UNC13C: variants seen among roughly 807,000 people sequenced by gnomAD.
UNC13C encodes the protein unc-13 homolog C, also known as protein unc-13 homolog C.
Under a neutral mutation model 245.4 loss-of-function variants are expected in UNC13C, and 174 were observed. The ratio of observed to expected loss-of-function variants is 0.71; its 90% CI spans 0.63 to 0.80. The LOEUF (loss-of-function observed/expected upper bound fraction) is 0.80, where lower values mean the gene tolerates loss of function less well. Among genes scored for constraint, UNC13C ranks in the 30% least tolerant of loss-of-function variants. The pLI is 0.00. For missense variants in UNC13C, 2,829 were observed against 2,602.9 expected (o/e 1.09, Z -1.89); for synonymous variants, 992 against 895.1 (o/e 1.11, Z -1.93).
intron 2 of UNC13C, among the ~76,000 whole-genome samples, chr15:54,071,520 A>C (rs12443138): frequency 0.5 from 75,257 of 151,946 alleles, 20,436 homozygotes; most frequent in Non-Finnish European, 0.61. Context: ...ATACACAAAA[A>C]AATGAGACTC....
intron 19 of UNC13C, among the ~76,000 whole-genome samples, chr15:54,462,874 G>T (rs552604112): frequency 2.5e-4 from 38 of 152,258 alleles, no homozygotes; most frequent in African/African-American, 9.1e-4. Flanking sequence ...CTCCACCCAT[G>T]GGCCTGGCAT....
intron 19 of UNC13C, among the ~76,000 whole-genome samples, chr15:54,490,621 A>G (rs1304509314): frequency 6.6e-6 from 1 of 151,886 alleles, no homozygotes; most frequent in Non-Finnish European, 1.5e-5. Flanking sequence ...TCCAAAGTGT[A>G]GAGGCTACTG....
chr15:54,621,630 T>C (rs1900802480), intron 30 of UNC13C, among the ~76,000 whole-genome samples: 1 of 152,154 alleles, frequency 6.6e-6, no homozygotes. Context: ...TATGTTAATG[T>C]GAATATAGTA....
At chr15:54,012,351 A>G (rs1895418837) in intron 1 of UNC13C, among the ~76,000 whole-genome samples, 2 of 152,202 alleles carry the variant, frequency 1.3e-5, no homozygotes, top group Non-Finnish European at 1.5e-5. Flanking sequence ...ATGGCTGTAT[A>G]AATTGACTGT....
intron 17 of UNC13C, among the ~76,000 whole-genome samples, chr15:54,349,998 T>TC (rs1016307995): frequency 2.0e-5 from 3 of 152,152 alleles, no homozygotes; most frequent in Admixed American, 2.0e-4. Context: ...TTTTCCTTTT[T>TC]TTTTTTTGAG....
At chr15:54,594,899 G>C (rs964701391) in intron 30 of UNC13C, among the ~76,000 whole-genome samples, 1 of 152,238 alleles carries the variant, frequency 6.6e-6, no homozygotes, top group African/African-American at 2.4e-5. Flanking sequence ...GGGTCCAGGG[G>C]ACCGGAGCAT....
At chr15:54,527,739 A>G (rs1895540569) in intron 25 of UNC13C, among the ~76,000 whole-genome samples, 1 of 152,150 alleles carries the variant, frequency 6.6e-6, no homozygotes, top group African/African-American at 2.4e-5. Context: ...TTTATTATTG[A>G]TTTTTTAAAT....
At chr15:54,096,665 A>G (rs544107992) in intron 2 of UNC13C, among the ~76,000 whole-genome samples, 1 of 152,232 alleles carries the variant, frequency 6.6e-6, no homozygotes, top group African/African-American at 2.4e-5. Flanking sequence ...CTTTCTTACC[A>G]TTGCCTGACA....
At chr15:54,467,831 A>G (rs777065493) in intron 19 of UNC13C, among the ~76,000 whole-genome samples, 3 of 151,734 alleles carry the variant, frequency 2.0e-5, no homozygotes, top group East Asian at 1.9e-4. Flanking sequence ...CATTGTGTGT[A>G]TATTTCCCAT....
intron 18 of UNC13C, among the ~76,000 whole-genome samples, chr15:54,396,757 C>T (rs534475453): frequency 1.3e-5 from 2 of 151,454 alleles, no homozygotes; most frequent in African/African-American, 4.8e-5. Context: ...TTTTAATTTG[C>T]ACTTTCCTGA....
intron 4 of UNC13C, among the ~76,000 whole-genome samples, chr15:54,227,472 C>T (rs920002669): frequency 5.3e-5 from 8 of 152,216 alleles, no homozygotes; most frequent in African/African-American, 1.7e-4. Flanking sequence ...CACCTGCCAG[C>T]CCATGCTGAG....
the UNC13C span, among the ~76,000 whole-genome samples, chr15:53,941,264 C>A: frequency 3.9e-5 from 6 of 152,152 alleles, no homozygotes; most frequent in African/African-American, 1.4e-4. Context: ...AAGATTGAAA[C>A]TGGACTCCCT....
chr15:54,053,614 A>ATTTATCCT (rs1425599406), intron 2 of UNC13C, among the ~76,000 whole-genome samples: 1 of 152,154 alleles, frequency 6.6e-6, no homozygotes, highest in Non-Finnish European at 1.5e-5. Flanking sequence ...CACCTCAATA[A>ATTTATCCT]TTTATCCTTT....
intron 19 of UNC13C, among the ~76,000 whole-genome samples, chr15:54,462,729 C>T (rs1056026683): frequency 6.6e-6 from 1 of 152,220 alleles, no homozygotes; most frequent in Non-Finnish European, 1.5e-5. Context: ...CATGCCTGAG[C>T]CCCCCAACCC....
the UNC13C span, among the ~76,000 whole-genome samples, chr15:53,928,079 G>A: frequency 5.9e-5 from 9 of 152,034 alleles, no homozygotes; most frequent in African/African-American, 1.9e-4. Flanking sequence ...AGCTCAGTCG[G>A]GGAGACCCTA....
At chr15:53,893,752 C>T in the UNC13C span, among the ~76,000 whole-genome samples, 2 of 151,850 alleles carry the variant, frequency 1.3e-5, no homozygotes, top group Non-Finnish European at 2.9e-5. Context: ...GTGCTGGCAG[C>T]AAGAATTTCA....
intron 19 of UNC13C, among the ~76,000 whole-genome samples, chr15:54,492,824 C>A (rs1307989604): frequency 1.3e-5 from 2 of 152,062 alleles, no homozygotes; most frequent in Admixed American, 6.6e-5. Flanking sequence ...TGGTACAACC[C>A]GCAAACCTTG....
rs112916365 is a variant in UNC13C, at chr15:54,148,975, C to T, written c.3071+5291C>T. Among the ~76,000 whole-genome samples the T allele has an allele frequency of 4.2e-3, 643 of 152,236 alleles. 7 individuals carry two copies. Among genetic ancestry groups the T allele is most frequent in the African/African-American group, 0.015 (618 of 41,526 alleles). On this transcript the variant is annotated intron_variant, in intron 4 of 32. Coordinates refer to ENST00000260323, the MANE Select transcript of UNC13C (RefSeq NM_001080534.3). ...CCTAAATCTCATCTCAAATTGTAAT[C>T]CCCATGTGTCAAGGAGGGACCTGGT... is the stretch of plus-strand genomic sequence containing the variant.
chr15:54,290,339 G>T (rs2037264621), intron 10 of UNC13C, among the ~76,000 whole-genome samples: 1 of 151,926 alleles, frequency 6.6e-6, no homozygotes, highest in African/African-American at 2.4e-5. Context: ...CTAGAGAAAT[G>T]CTCTGTGCTA....
Sources: gnomAD v4.1 joint callset for allele counts (sites outside exome capture counted in the v4.1 genomes callset) on GRCh38, gnomAD v4.1.1 for gene constraint, MANE v1.5 for transcripts, NCBI Gene and HGNC (gene_info 2026-07-23, HGNC 2026-07-21) for gene names.